Variants in IGDCC3 observed in about 807,000 individuals in gnomAD.
The protein encoded by IGDCC3 is immunoglobulin superfamily DCC subclass member 3, also known as putative neuronal cell adhesion molecule.
A neutral mutation model predicts 72.0 loss-of-function variants in IGDCC3; 47 were observed. The ratio of observed to expected loss-of-function variants is 0.65; its 90% CI spans 0.52 to 0.83. IGDCC3 has a LOEUF of 0.83. Ranked by LOEUF, IGDCC3 falls within the 40% of genes least tolerant of loss-of-function variation. The pLI is 0.00. For synonymous variants in IGDCC3, 477 were observed against 472.8 expected (o/e 1.01, Z -0.11); for missense variants, 1,038 against 1,091.3 (o/e 0.95, Z 0.69).
rs149849455 is a variant in IGDCC3 at position 65,329,130 on chromosome 15, C to T, written c.2224G>A (p.Ala742Thr). The T allele has an allele frequency of 7.5e-6, 12 of 1,608,094 alleles. No individual in the cohort carries two copies. Among genetic ancestry groups the T allele is most frequent in the East Asian group, 2.2e-5 (1 of 44,770 alleles). The change falls in exon 14 of 14, where the codon GCT becomes ACT. Residue 742 changes from alanine to threonine, a missense_variant. Transcript: ENST00000327987. This position sits in a 1 kb window ranked among gnomAD's most constrained non-coding sequence, Gnocchi z 4.1. ...GAGAGCTGGGTCTCCTCACACGGAG[C>T]GGGGGCTGCAGGATCCTGCTGGGGA... The part of the protein sequence containing the change: ...PRPTQDPAAP[A>T]PCEETQLSVL...
intron 2 of IGDCC3, among the ~76,000 whole-genome samples, chr15:65,343,338 G>A (rs1472237758): frequency 6.6e-6 from 1 of 151,980 alleles, no homozygotes; most frequent in Non-Finnish European, 1.5e-5. Flanking sequence ...CTCAGGGAGT[G>A]CATGGTGGAG....
chr15:65,360,757 A>C (rs2091254987), intron 2 of IGDCC3, among the ~76,000 whole-genome samples: 1 of 152,148 alleles, frequency 6.6e-6, no homozygotes, highest in Non-Finnish European at 1.5e-5. Flanking sequence ...CATGCTGGAA[A>C]GAGCATCTGG....
At chr15:65,337,330 C>T (rs935283838) in intron 2 of IGDCC3, among the ~76,000 whole-genome samples, 1 of 152,142 alleles carries the variant, frequency 6.6e-6, no homozygotes, top group African/African-American at 2.4e-5. Context: ...TGGGTGTGTG[C>T]GCCTCTTTGT....
chr15:65,354,486 C>G (rs538532431), intron 2 of IGDCC3, among the ~76,000 whole-genome samples: 2 of 152,312 alleles, frequency 1.3e-5, no homozygotes, highest in South Asian at 4.1e-4. Flanking sequence ...ATTCCTAACT[C>G]TAACATGTTG....
In IGDCC3 at chr15:65,332,008, CAT is replaced by C. The variant is rs1431548589; in HGVS notation, c.1079_1080del (p.His360ArgfsTer21). The C allele has an allele frequency of 6.2e-7, 1 of 1,614,098 alleles. No individual in the cohort carries two copies. The highest frequency in any genetic ancestry group is 2.2e-5 in the East Asian group (1 of 44,904). On this transcript the variant is annotated frameshift_variant, in exon 7 of 14. Coordinates refer to ENST00000327987, the MANE Select transcript of IGDCC3 (RefSeq NM_004884.4). LOFTEE classifies it high-confidence loss of function. ...TCQAQGEPPP[H>X]VTWLKNGQVL... is the part of the protein sequence containing the mutation. Reference sequence around the variant, plus strand: ...ACCTGTCCATTTTTCAGCCACGTGACATGAGGCGGTGGCTCACCCTGGGCTTG... The same window carrying C: ...ACCTGTCCATTTTTCAGCCACGTGACGAGGCGGTGGCTCACCCTGGGCTTG...
chr15:65,365,176 G>A (rs556533896), intron 2 of IGDCC3, among the ~76,000 whole-genome samples: 12 of 152,184 alleles, frequency 7.9e-5, no homozygotes, highest in Non-Finnish European at 1.3e-4. Context: ...CAGGAGACCG[G>A]GAAGACCCCT....
At chr15:65,349,818 A>G (rs1364874913) in intron 2 of IGDCC3, among the ~76,000 whole-genome samples, 1 of 152,244 alleles carries the variant, frequency 6.6e-6, no homozygotes, top group African/African-American at 2.4e-5. Context: ...AAGCTTTTGC[A>G]AGCTCAAAAT....
chr15:65,340,691 C>T (rs1233396635), intron 2 of IGDCC3, among the ~76,000 whole-genome samples: 2 of 152,160 alleles, frequency 1.3e-5, no homozygotes, highest in Non-Finnish European at 2.9e-5. Flanking sequence ...ACTCACTGTA[C>T]CCAACTTTTC....
chr15:65,346,742 A>C (rs1193667305), intron 2 of IGDCC3, among the ~76,000 whole-genome samples: 1 of 152,150 alleles, frequency 6.6e-6, no homozygotes, highest in Non-Finnish European at 1.5e-5. Flanking sequence ...TATAGGCGTG[A>C]GTCATCATGC....
intron 2 of IGDCC3, among the ~76,000 whole-genome samples, chr15:65,371,805 C>T (rs1384836267): frequency 6.6e-6 from 1 of 152,222 alleles, no homozygotes; most frequent in African/African-American, 2.4e-5. Flanking sequence ...GGCACACAGG[C>T]CTCAGGTATG....
chr15:65,334,235 C>T (rs2091005821), intron 5 of IGDCC3, among the ~76,000 whole-genome samples: 1 of 152,040 alleles, frequency 6.6e-6, no homozygotes, highest in Admixed American at 6.5e-5. Context: ...CCTTTCATTT[C>T]TCTCTTTCAG....
intron 2 of IGDCC3, 99 bp from the exon 3 acceptor site, chr15:65,336,055 C>G (rs1419400839): frequency 7.9e-7 from 1 of 1,267,630 alleles, no homozygotes; most frequent in Non-Finnish European, 1.1e-6. Context: ...ACCTGGAGCC[C>G]ACTCCATCCA....
intron 2 of IGDCC3, among the ~76,000 whole-genome samples, chr15:65,361,775 C>T (rs1180400908): frequency 3.3e-5 from 5 of 152,192 alleles, no homozygotes; most frequent in Admixed American, 6.5e-5. Context: ...TGCAGCGCGG[C>T]GCTAATTGCA....
rs1041923765 is a variant in IGDCC3 at position 65,339,769 on chromosome 15, G to A, written c.410-3813C>T. On this transcript the variant is annotated intron_variant, in intron 2 of 13. Transcript: ENST00000327987. This position sits in a 1 kb window ranked among gnomAD's most constrained non-coding sequence, Gnocchi z 4.1. The stretch of plus-strand genomic sequence containing the variant: ...GTCTGGTGTTGGTGGTATTGTGTCT[G>A]TGGCTGGTGCACGTGACAGTGGTGC... 6.6e-6 allele frequency among the ~76,000 whole-genome samples: 1 copy of A among 152,236 alleles called. No individual in the cohort carries two copies. Among genetic ancestry groups the A allele is most frequent in the Non-Finnish European group, 1.5e-5 (1 of 68,050 alleles).
At chr15:65,368,753 C>T (rs1351592733) in intron 2 of IGDCC3, among the ~76,000 whole-genome samples, 1 of 152,170 alleles carries the variant, frequency 6.6e-6, no homozygotes, top group African/African-American at 2.4e-5. Flanking sequence ...GCGGCAGCAG[C>T]ACCCCAGGAT....
rs1165173864 is a variant in IGDCC3, at chr15:65,329,731, C to T, written c.1992G>A (p.Arg664=). 6.2e-7 allele frequency: 1 copy of T among 1,614,084 alleles called. No homozygotes were observed. Among genetic ancestry groups the T allele is most frequent in the Admixed American group, 1.7e-5 (1 of 60,022 alleles). Residue 664 remains arginine (R), a synonymous_variant, in exon 12 of 14, where the codon AGG becomes AGA. Coordinates refer to ENST00000327987, the MANE Select transcript of IGDCC3 (RefSeq NM_004884.4). This position sits in a 1 kb window ranked among gnomAD's most constrained non-coding sequence, Gnocchi z 4.1. ...FCVLFLLFGQ[R]GRVLLCKDVE... ...CTCCCTGGCCCAGGACCCACCTGCC[C>T]CTTTGGCCGAACAGGAGGAAGAGGA...
chr15:65,329,697 C>T lies in IGDCC3; in HGVS notation c.1997+29G>A. ...TAGGCCTAGTCCCCCACACACCAGC[C>T]CAGCCCCTCTCCCTGGCCCAGGACC... On this transcript the variant is annotated intron_variant, in intron 12 of 13. Transcript: ENST00000327987. This position sits in a 1 kb window ranked among gnomAD's most constrained non-coding sequence, Gnocchi z 4.1. The T allele has an allele frequency of 6.2e-7, 1 of 1,613,790 alleles. No individual in the cohort carries two copies. The highest frequency in any genetic ancestry group is 8.5e-7 in the Non-Finnish European group (1 of 1,179,856).
chr15:65,355,655 G>GGGGGGGGGGGGGCCCCCCCCCCCCCC (rs2091213126), intron 2 of IGDCC3: 1 of 257,760 alleles, frequency 3.9e-6, no homozygotes. Flanking sequence ...CGACGCGGGC[G>GGGGGGGGGGGGGCCCCCCCCCCCCCC]TCCCGCCCCC....
Position 65,331,601 on chromosome 15 carries a change from C to T in IGDCC3, c.1207G>A (p.Glu403Lys), listed in dbSNP as rs145612224. The T allele has an allele frequency of 1.3e-3, 2,104 of 1,613,282 alleles. 7 individuals are homozygous for T. Among genetic ancestry groups the T allele is most frequent in the Non-Finnish European group, 1.7e-3 (1,955 of 1,179,572 alleles). ...GCCTGTGATGAGCCCGCACTGTTCT[C>T]GGCCACACACTGATAAATGGCTTCA... ...EDEAIYQCVAENSAGSSQASA... is the reference protein window; with the variant it reads ...EDEAIYQCVAKNSAGSSQASA... Residue 403 changes from glutamate to lysine, a missense_variant, in exon 8 of 14, where the codon GAG (glutamate) becomes AAG (lysine). Glu to Lys is a moderately conservative substitution (Grantham distance 56). Transcript: ENST00000327987.
Sources: gnomAD v4.1 joint callset for allele counts (sites outside exome capture counted in the v4.1 genomes callset) on GRCh38, gnomAD v4.1.1 for gene constraint, Gnocchi (gnomAD v3.1) non-coding constraint, MANE v1.5 for transcripts, NCBI Gene and HGNC (gene_info 2026-07-23, HGNC 2026-07-21) for gene names.